FER1L5: variants seen among roughly 807,000 people sequenced by gnomAD.
The protein encoded by FER1L5 is fer-1 like family member 5.
Under a neutral mutation model 279.9 loss-of-function variants are expected in FER1L5, and 187 were observed. That is an observed-to-expected ratio of 0.67 (90% CI 0.59 to 0.75). FER1L5 has a LOEUF of 0.75. Ranked by LOEUF, FER1L5 falls within the 30% of genes least tolerant of loss-of-function variation. The pLI, the probability that FER1L5 is intolerant of heterozygous loss-of-function variation, is 0.00. For missense variants in FER1L5, 2,091 were observed against 2,594.4 expected (o/e 0.81, Z 4.21); for synonymous variants, 921 against 989.7 (o/e 0.93, Z 1.30).
At chr2:96,670,694 G>T (rs983273670) in intron 18 of FER1L5, among the ~76,000 whole-genome samples, 1 of 152,084 alleles carries the variant, frequency 6.6e-6, no homozygotes, top group Non-Finnish European at 1.5e-5. Flanking sequence ...GCTGAGGCAG[G>T]AGAATCACTT....
chr2:96,691,090 A>C lies in FER1L5; in HGVS notation c.2744-100A>C. The stretch of plus-strand genomic sequence containing the variant: ...CCTCAGGGCCAGAGACCTGGATGTG[A>C]GGGAAGTAATGCCCCTCTAGGGCCT... On this transcript the variant is annotated intron_variant, in intron 27 of 52. Transcript: ENST00000624922. This position sits in a 1 kb window ranked among gnomAD's most constrained non-coding sequence, Gnocchi z 6.0. 7.3e-7 allele frequency: 1 copy of C among 1,375,568 alleles called. No individual in the cohort carries two copies. Among genetic ancestry groups the C allele is most frequent in the Non-Finnish European group, 9.7e-7 (1 of 1,032,968 alleles). The allele number at this position is 1,375,568 out of a possible 1,614,324, so 85.2% of individuals were successfully genotyped here. A position where few individuals can be genotyped will look rare whatever the true frequency, so the allele number is the denominator to read the frequency against.
At chr2:96,659,353 C>G (rs201233467) in intron 9 of FER1L5, among the ~76,000 whole-genome samples, 1 of 71,054 alleles carries the variant, frequency 1.4e-5, no homozygotes, top group Non-Finnish European at 2.7e-5. Context: ...TTCCTTCCTT[C>G]CTTCCTTCCT....
rs749696077 is a variant in FER1L5, at chr2:96,687,960, C to T, written c.2361+13C>T. ...GTACGCCGAGATGGTGAGTGGTGAG[C>T]GGCAGCCCAAGGCCAGGGCAGGCAC... is the stretch of plus-strand genomic sequence containing the variant. On this transcript the variant is annotated intron_variant, in intron 24 of 52. Coordinates refer to ENST00000624922, the MANE Select transcript of FER1L5 (RefSeq NM_001293083.2). 1.0e-4 allele frequency: 161 copies of T among 1,550,416 alleles called. No individual in the cohort carries two copies. The highest frequency in any genetic ancestry group is 1.3e-4 in the Non-Finnish European group (153 of 1,146,696).
At chr2:96,661,281 AG>A (rs1315201886) in intron 10 of FER1L5, 43 bp from the exon 11 acceptor site, 2 of 1,362,494 alleles carry the variant, frequency 1.5e-6, no homozygotes, top group Non-Finnish European at 2.0e-6. Flanking sequence ...GGGAGAAGGA[AG>A]GAGGCTGCAG....
Position 96,660,375 on chromosome 2 carries a change from G to C in FER1L5, c.778+4G>C. On this transcript the variant is annotated splice_donor_region_variant and intron_variant, in intron 10 of 52. Transcript: ENST00000624922. Reference sequence around the variant, plus strand: ...GGGTTTATCTACCATTCTCCAGGTAGGTAATACTTATGGCAAATATGTATG... The same window carrying C: ...GGGTTTATCTACCATTCTCCAGGTACGTAATACTTATGGCAAATATGTATG... 1 of 1,551,556 alleles carries C rather than the reference G, an allele frequency of 6.4e-7. No individual in the cohort carries two copies. The highest frequency in any genetic ancestry group is 8.7e-7 in the Non-Finnish European group (1 of 1,146,932).
At chr2:96,696,710 G>A (rs1365345250) in intron 37 of FER1L5, among the ~76,000 whole-genome samples, 2 of 151,552 alleles carry the variant, frequency 1.3e-5, no homozygotes, top group African/African-American at 2.4e-5. Flanking sequence ...AGACCGGCCT[G>A]GCCAACACGG....
chr2:96,645,846 T>C (rs1428678254), intron 1 of FER1L5, among the ~76,000 whole-genome samples: 1 of 150,650 alleles, frequency 6.6e-6, no homozygotes, highest in Non-Finnish European at 1.5e-5. Context: ...AGAAAGAAAA[T>C]GAAATGAACA....
rs1300037527 is a variant in FER1L5 at position 96,702,177 on chromosome 2, G to C, written c.5160-129G>C. ...GGGAAGAGAGGAAGCTCTACTGGGA[G>C]CTTTCTTCCCCTGAATTCCCCACAC... On this transcript the variant is annotated intron_variant, in intron 46 of 52. Transcript: ENST00000624922. The surrounding 1 kb of genome is among the most constrained non-coding windows in gnomAD (Gnocchi z 4.0). 2 of 1,563,228 alleles carry C rather than the reference G, an allele frequency of 1.3e-6. No individual in the cohort carries two copies. The highest frequency in any genetic ancestry group is 1.7e-6 in the Non-Finnish European group (2 of 1,153,066).
Position 96,661,727 on chromosome 2 carries a change from G to T in FER1L5, c.954G>T (p.Ala318=). The change falls in exon 12 of 53, where the codon GCG becomes GCT. Residue 318 remains alanine (A), a synonymous_variant. Coordinates refer to ENST00000624922, the MANE Select transcript of FER1L5 (RefSeq NM_001293083.2). ...CCGATATTCAGATCTTCAAGTCAGC[G>T]GTAGTCCCGATCAACATGGCTTACT... ...DDTDIQIFKS[A]VVPINMAYLQ... 4 of 1,551,652 alleles carry T rather than the reference G, an allele frequency of 2.6e-6. No homozygotes were observed. Among genetic ancestry groups the T allele is most frequent in the Non-Finnish European group, 3.5e-6 (4 of 1,146,990 alleles).
intron 1 of FER1L5, among the ~76,000 whole-genome samples, chr2:96,643,731 ATTT>A (rs575542946): frequency 2.2e-5 from 3 of 136,922 alleles, no homozygotes; most frequent in Non-Finnish European, 3.2e-5. Context: ...TATTATCTCC[ATTT>A]TTTTTTTTTT....
At chr2:96,663,316 A>T in intron 13 of FER1L5, 123 bp from the exon 14 acceptor site, 1 of 866,872 alleles carries the variant, frequency 1.2e-6, no homozygotes, top group South Asian at 1.5e-5. Flanking sequence ...GAGAGCAGGG[A>T]TTAGCCCAAG....
chr2:96,657,788 A>T (rs2075658697), intron 9 of FER1L5, among the ~76,000 whole-genome samples: 1 of 152,132 alleles, frequency 6.6e-6, no homozygotes, highest in African/African-American at 2.4e-5. Flanking sequence ...TCAGCAGTTC[A>T]TTCCTTTTTA....
intron 45 of FER1L5, among the ~76,000 whole-genome samples, chr2:96,700,967 G>A (rs543206398): frequency 6.6e-6 from 1 of 152,316 alleles, no homozygotes; most frequent in African/African-American, 2.4e-5. Flanking sequence ...AACTTCTCAA[G>A]CTCATACCAC....
intron 19 of FER1L5, among the ~76,000 whole-genome samples, chr2:96,682,428 CT>C (rs1238751773): frequency 2.0e-5 from 3 of 152,174 alleles, no homozygotes; most frequent in African/African-American, 4.8e-5. Context: ...CTGTTTCCAA[CT>C]TTTGGCTATT....
At chr2:96,668,147 A>C (rs1027692957) in intron 14 of FER1L5, among the ~76,000 whole-genome samples, 6 of 152,112 alleles carry the variant, frequency 3.9e-5, no homozygotes, top group Non-Finnish European at 5.9e-5. Context: ...GCTTGTCCAG[A>C]GGGCCATTTT....
At chr2:96,667,982 T>A (rs1234954660) in intron 14 of FER1L5, among the ~76,000 whole-genome samples, 1 of 152,070 alleles carries the variant, frequency 6.6e-6, no homozygotes, top group African/African-American at 2.4e-5. Flanking sequence ...CACCTCAGCC[T>A]CCTGAGTAGC....
intron 6 of FER1L5, among the ~76,000 whole-genome samples, chr2:96,651,298 T>G (rs145405872): frequency 2.3e-4 from 31 of 132,818 alleles, no homozygotes; most frequent in African/African-American, 7.8e-4. Flanking sequence ...TTTCTTTCTT[T>G]CTTCTTTCCT....
rs1364631210 is a variant in FER1L5 at position 96,695,918 on chromosome 2, T to A, written c.4057+14T>A. 1.9e-6 allele frequency: 3 copies of A among 1,612,312 alleles called. No individual in the cohort carries two copies. In the Admixed American group the frequency reaches 5.0e-5, roughly 27 times the overall value. On this transcript the variant is annotated intron_variant, in intron 36 of 52. Transcript: ENST00000624922. The stretch of plus-strand genomic sequence containing the variant: ...CAAAGCTTCCAAGTACGGCCCTTCC[T>A]CCGTGCCTTTCCCCAGGCCTCACAA...
intron 34 of FER1L5, 169 bp from the exon 35 acceptor site, chr2:96,695,340 G>A (rs1573954255): frequency 1.2e-6 from 1 of 862,206 alleles, no homozygotes; most frequent in Non-Finnish European, 1.7e-6. Flanking sequence ...ACAGGACGGG[G>A]AAGCCTGTCC....
Sources: allele counts gnomAD v4.1 joint callset (sites outside exome capture counted in the v4.1 genomes callset), GRCh38; gene constraint gnomAD v4.1.1; non-coding constraint Gnocchi (gnomAD v3.1); transcripts MANE v1.5; gene names NCBI Gene and HGNC (gene_info 2026-07-23, HGNC 2026-07-21).